Variants in WDFY4 observed in about 807,000 individuals in gnomAD.
WDFY4 encodes the protein WD repeat- and FYVE domain-containing protein 4.
In WDFY4, 169 loss-of-function variants were observed where a neutral mutation model predicts 351.9. The observed-to-expected ratio is 0.48, with a 90% CI of 0.42 to 0.55. WDFY4 has a LOEUF of 0.55. Among genes scored for constraint, WDFY4 ranks in the 20% least tolerant of loss-of-function variants. WDFY4 has a pLI of 0.00. For synonymous variants in WDFY4, 1,622 were observed against 1,574.6 expected (o/e 1.03, Z -0.71); for missense variants, 3,803 against 3,935.6 (o/e 0.97, Z 0.90).
intron 43 of WDFY4, chr10:48,878,107 A>G (rs1398712096): frequency 6.6e-6 from 1 of 152,304 alleles, no homozygotes; most frequent in Non-Finnish European, 1.5e-5. Flanking sequence ...AGCTGGGCAT[A>G]AGAGAGGTGC....
chr10:48,723,704 C>T, intron 5 of WDFY4, 137 bp downstream of exon 5: 5 of 1,217,218 alleles, frequency 4.1e-6, no homozygotes, highest in Non-Finnish European at 5.6e-6. Context: ...AGGGTCTAAC[C>T]TCCCCCTCCC....
chr10:48,795,033 G>A (rs922574509), intron 23 of WDFY4, among the ~76,000 whole-genome samples: 1 of 152,164 alleles, frequency 6.6e-6, no homozygotes, highest in Non-Finnish European at 1.5e-5. Flanking sequence ...TTGTACATAG[G>A]AGGAAGAGAT....
At chr10:48,900,017 A>C (rs572305475) in intron 45 of WDFY4, among the ~76,000 whole-genome samples, 32 of 152,274 alleles carry the variant, frequency 2.1e-4, no homozygotes, top group African/African-American at 7.7e-4. Context: ...AGCTGTGGTC[A>C]GGCCCCCTGC....
chr10:48,958,103 T>C (rs1307545548), intron 52 of WDFY4, among the ~76,000 whole-genome samples: 1 of 152,200 alleles, frequency 6.6e-6, no homozygotes, highest in Non-Finnish European at 1.5e-5. Context: ...GGCATGCACC[T>C]GAGCCAGGCC....
chr10:48,931,468 T>C (rs1421803714), intron 47 of WDFY4, among the ~76,000 whole-genome samples: 1 of 152,200 alleles, frequency 6.6e-6, no homozygotes, highest in Non-Finnish European at 1.5e-5. Flanking sequence ...AGGGCCGTGC[T>C]ATAAACAACA....
At chr10:48,719,825 C>A (rs1250210716) in intron 2 of WDFY4, among the ~76,000 whole-genome samples, 186 bp from the exon 3 acceptor site, 1 of 152,126 alleles carries the variant, frequency 6.6e-6, no homozygotes, top group East Asian at 1.9e-4. Flanking sequence ...GTTAGAGAAT[C>A]TGGAGGCGTT....
chr10:48,692,701 AC>A (rs1470613824), intron 1 of WDFY4, among the ~76,000 whole-genome samples: 1 of 152,150 alleles, frequency 6.6e-6, no homozygotes, highest in African/African-American at 2.4e-5. Context: ...ATGCAGGCCA[AC>A]CCTTGTGTGG....
chr10:48,876,195 C>T (rs983405349), intron 42 of WDFY4, among the ~76,000 whole-genome samples: 3 of 152,198 alleles, frequency 2.0e-5, no homozygotes. Context: ...ACACCTCTCC[C>T]TGCATGGGGG....
intron 43 of WDFY4, among the ~76,000 whole-genome samples, chr10:48,877,857 G>A (rs2070090463): frequency 6.6e-6 from 1 of 152,210 alleles, no homozygotes; most frequent in African/African-American, 2.4e-5. Context: ...GGCCTGGCTG[G>A]GGAGGTCCCA....
chr10:48,951,397 C>T (rs1000752682), intron 51 of WDFY4, among the ~76,000 whole-genome samples: 1 of 152,080 alleles, frequency 6.6e-6, no homozygotes, highest in African/African-American at 2.4e-5. Context: ...AGCAGCAGCC[C>T]CAAGATGCTG....
intron 1 of WDFY4, among the ~76,000 whole-genome samples, chr10:48,687,284 T>G (rs983425726): frequency 2.0e-5 from 3 of 152,148 alleles, no homozygotes; most frequent in African/African-American, 4.8e-5. Context: ...ATAACAAATA[T>G]TTTTCATTTG....
At chr10:48,973,219 T>C (rs1486098708) in intron 57 of WDFY4, among the ~76,000 whole-genome samples, 1 of 152,216 alleles carries the variant, frequency 6.6e-6, no homozygotes, top group Non-Finnish European at 1.5e-5. Flanking sequence ...GCATTGCTAT[T>C]TCCCCTGCAG....
chr10:48,928,654 C>A (rs1249482894), intron 47 of WDFY4, among the ~76,000 whole-genome samples: 2 of 152,194 alleles, frequency 1.3e-5, no homozygotes, highest in South Asian at 4.1e-4. Context: ...ACATGGAATT[C>A]TTTCTGCACT....
At chr10:48,734,337 G>A (rs1444331649) in intron 10 of WDFY4, among the ~76,000 whole-genome samples, 1 of 152,084 alleles carries the variant, frequency 6.6e-6, no homozygotes, top group Admixed American at 6.5e-5. Flanking sequence ...TGCACTGACT[G>A]TAGATGCTTT....
intron 39 of WDFY4, among the ~76,000 whole-genome samples, chr10:48,837,480 CAG>C (rs1361153036): frequency 6.6e-6 from 1 of 152,134 alleles, no homozygotes; most frequent in Non-Finnish European, 1.5e-5. Flanking sequence ...CTGTGGGTGA[CAG>C]GGGGCTGTAG....
intron 25 of WDFY4, 97 bp from the exon 26 acceptor site, chr10:48,805,163 G>A: frequency 1.4e-6 from 2 of 1,388,396 alleles, no homozygotes; most frequent in Non-Finnish European, 1.9e-6. Flanking sequence ...AAGGGGCCAT[G>A]GAACAAGCCT....
At chr10:48,748,582 G>A (rs997941227) in intron 12 of WDFY4, among the ~76,000 whole-genome samples, 24 of 152,210 alleles carry the variant, frequency 1.6e-4, no homozygotes, top group East Asian at 7.7e-4. Flanking sequence ...AATGGACTGC[G>A]TCAGTCCTGA....
chr10:48,919,930 C>T (rs1838901192), intron 47 of WDFY4, among the ~76,000 whole-genome samples: 1 of 152,080 alleles, frequency 6.6e-6, no homozygotes, highest in Non-Finnish European at 1.5e-5. Flanking sequence ...TACCCTGATG[C>T]TAAAATCACA....
chr10:48,728,171 G>C (rs147702365), intron 7 of WDFY4, among the ~76,000 whole-genome samples: 5 of 152,334 alleles, frequency 3.3e-5, no homozygotes, highest in Non-Finnish European at 5.9e-5. Context: ...TCTTGGACTG[G>C]TTTCCTTCCC....
Sources: gnomAD v4.1 joint callset for allele counts (sites outside exome capture counted in the v4.1 genomes callset) on GRCh38, gnomAD v4.1.1 for gene constraint, MANE v1.5 for transcripts, NCBI Gene and HGNC (gene_info 2026-07-23, HGNC 2026-07-21) for gene names.